The following NOMO2 variants were observed in gnomAD, a reference collection of about 807,000 sequenced individuals.
The protein encoded by NOMO2 is NODAL modulator 2, also known as BOS complex subunit NOMO2.
Under a neutral mutation model 67.1 loss-of-function variants are expected in NOMO2, and 14 were observed. The observed-to-expected ratio is 0.21, with a 90% CI of 0.14 to 0.33. The LOEUF (loss-of-function observed/expected upper bound fraction) is 0.33, where lower values mean the gene tolerates loss of function less well. Ranked by LOEUF, NOMO2 falls within the 10% of genes least tolerant of loss-of-function variation. The pLI is 1.00. For synonymous variants in NOMO2, 80 were observed against 305.9 expected, an observed-to-expected ratio of 0.26 and a Z score of 7.71; for missense variants, 178 against 761.0, an observed-to-expected ratio of 0.23 and a Z score of 9.01.
intron 9 of NOMO2, among the ~76,000 whole-genome samples, chr16:18,539,621 G>A (rs1167993478): frequency 1.3e-5 from 2 of 151,938 alleles, no homozygotes; most frequent in Admixed American, 6.6e-5. Context: ...GCCAGGTGTG[G>A]TGGCAGGCGC....
chr16:18,524,383 C>T (rs1362063061), intron 17 of NOMO2, 106 bp downstream of exon 17: 1 of 991,992 alleles, frequency 1.0e-6, no homozygotes, highest in Non-Finnish European at 1.5e-6. Context: ...AACCTTGCCT[C>T]TTTCAGAAAA....
intron 10 of NOMO2, 33 bp from the exon 11 acceptor site, chr16:18,538,709 G>C (rs1253225318): frequency 6.2e-7 from 1 of 1,613,554 alleles, no homozygotes; most frequent in African/African-American, 1.3e-5. Flanking sequence ...CAGAAGATAA[G>C]CCAAAAATAA....
chr16:18,553,258 A>G (rs1416382177), intron 3 of NOMO2, among the ~76,000 whole-genome samples: 1 of 151,524 alleles, frequency 6.6e-6, no homozygotes, highest in African/African-American at 2.4e-5. Context: ...AGCGAGACTC[A>G]GTCTCAAAAA....
At chr16:18,553,607 G>A (rs1901839240) in intron 3 of NOMO2, among the ~76,000 whole-genome samples, 1 of 149,104 alleles carries the variant, frequency 6.7e-6, no homozygotes, top group South Asian at 2.2e-4. Context: ...ATACATGGGT[G>A]TGTTCACTTA....
intron 11 of NOMO2, among the ~76,000 whole-genome samples, chr16:18,537,124 C>A (rs1162877929): frequency 6.6e-6 from 1 of 152,066 alleles, no homozygotes; most frequent in African/African-American, 2.4e-5. Flanking sequence ...CTGCCACCTG[C>A]GGCCAAATCT....
At chr16:18,529,350 G>A in intron 15 of NOMO2, 151 bp downstream of exon 15, 1 of 1,521,980 alleles carries the variant, frequency 6.6e-7, no homozygotes, top group South Asian at 1.2e-5. Flanking sequence ...AATGCTTCCT[G>A]ATTATGCGTT....
At chr16:18,536,155 A>C (rs1901417930) in intron 11 of NOMO2, among the ~76,000 whole-genome samples, 1 of 152,118 alleles carries the variant, frequency 6.6e-6, no homozygotes. Context: ...CCAATCCCAA[A>C]GCAAGGCTAC....
Position 18,538,647 on chromosome 16 carries a change from G to C in NOMO2, c.1099C>G (p.Leu367Val), listed in dbSNP as rs896918781. Residue 367 changes from leucine (L) to valine (V), a missense_variant, in exon 11 of 31, where the codon CTT (leucine) becomes GTT (valine). Transcript: ENST00000622306. ...TATGTCCCTGTGGTTATGTTCTCAA[G>C]GCGGAATGAGCCATCAGCTTTTGTT... Reference protein sequence around the residue: ...VKTKADGSFRLENITTGTYTI... With the variant: ...VKTKADGSFRVENITTGTYTI... The C allele has an allele frequency of 5.0e-6, 8 of 1,613,046 alleles. No homozygotes were observed. The highest frequency in any genetic ancestry group is 1.6e-4 in the Middle Eastern group (1 of 6,076).
At chr16:18,525,132 T>C (rs1193605799) in intron 16 of NOMO2, among the ~76,000 whole-genome samples, 1 of 149,178 alleles carries the variant, frequency 6.7e-6, no homozygotes, top group Non-Finnish European at 1.5e-5. Context: ...TTAACCAATA[T>C]TTTGGCCACA....
At chr16:18,528,998 T>C (rs1596845153) in intron 15 of NOMO2, among the ~76,000 whole-genome samples, 1 of 1,032 alleles carries the variant, frequency 9.7e-4, no homozygotes, top group African/African-American at 1.5e-3. Context: ...AATACATATA[T>C]ATATATATAT....
intron 2 of NOMO2, among the ~76,000 whole-genome samples, chr16:18,555,913 G>A (rs1901894369): frequency 1.2e-5 from 1 of 81,088 alleles, no homozygotes; most frequent in Non-Finnish European, 2.6e-5. Flanking sequence ...CCAGCCTCCT[G>A]GTTTCTTGAG....
chr16:18,534,430 C>T (rs920392276), intron 11 of NOMO2, among the ~76,000 whole-genome samples: 2 of 143,984 alleles, frequency 1.4e-5, no homozygotes, highest in African/African-American at 2.5e-5. Flanking sequence ...AGTTGTGTTG[C>T]GCTCTGCCCA....
chr16:18,555,538 A>T (rs1901883943), intron 2 of NOMO2, among the ~76,000 whole-genome samples: 1 of 150,930 alleles, frequency 6.6e-6, no homozygotes, highest in Non-Finnish European at 1.5e-5. Flanking sequence ...CTGTCTCTAA[A>T]CAATACATTA....
rs542542294 is a variant in NOMO2 at position 18,536,128 on chromosome 16, G to A, written c.1220+2398C>T. On this transcript the variant is annotated intron_variant, in intron 11 of 30. Transcript: ENST00000622306. The stretch of plus-strand genomic sequence containing the variant: ...AGACAACTCCTAACGGGTTTCCACT[G>A]CATTAGGGAGCAAAGCCCAATCCCA... Among the ~76,000 whole-genome samples, 662 of 152,114 alleles carry A rather than the reference G, an allele frequency of 4.4e-3. 3 individuals carry two copies. The highest frequency in any genetic ancestry group is 0.015 in the African/African-American group (636 of 41,492).
chr16:18,560,644 TGAA>T (rs1414520796), intron 1 of NOMO2, among the ~76,000 whole-genome samples: 4 of 151,820 alleles, frequency 2.6e-5, no homozygotes, highest in Non-Finnish European at 4.4e-5. Context: ...AACGGGGCCT[TGAA>T]GAAGATCACG....
intron 3 of NOMO2, among the ~76,000 whole-genome samples, chr16:18,551,931 A>G (rs926236903): frequency 1.3e-5 from 2 of 151,654 alleles, no homozygotes; most frequent in African/African-American, 4.8e-5. Flanking sequence ...CAATTATCTT[A>G]AGAGACAGGC....
chr16:18,543,592 C>T, intron 7 of NOMO2, 25 bp downstream of exon 7: 1 of 1,611,412 alleles, frequency 6.2e-7, no homozygotes, highest in East Asian at 2.2e-5. Context: ...TTCACACCAT[C>T]TCTTTTGTTC....
rs1404901936 is a variant in NOMO2 at position 18,561,193 on chromosome 16, A to C, written c.165+683T>G. 1.3e-4 allele frequency among the ~76,000 whole-genome samples: 18 copies of C among 143,952 alleles called. 1 individual carries two copies. In the East Asian group the frequency reaches 3.2e-3, roughly 25 times the overall value. The allele number at this position is 143,952 out of a possible 152,430, so 94.4% of individuals were successfully genotyped here. A position where few individuals can be genotyped will look rare whatever the true frequency, so the allele number is the denominator to read the frequency against. On this transcript the variant is annotated intron_variant, in intron 1 of 30. Transcript: ENST00000622306. ...TTAATTAAAAAAAAAAAAAAAAAAA[A>C]AAAAAAAAAAAAAACCTTTACAAAT...
At chr16:18,559,682 A>G (rs1901994005) in intron 1 of NOMO2, among the ~76,000 whole-genome samples, 1 of 151,930 alleles carries the variant, frequency 6.6e-6, no homozygotes, top group Non-Finnish European at 1.5e-5. Flanking sequence ...CAGGGACTGG[A>G]AATTCACCAG....
Sources: gnomAD v4.1 joint callset for allele counts (sites outside exome capture counted in the v4.1 genomes callset) on GRCh38, gnomAD v4.1.1 for gene constraint, MANE v1.5 for transcripts, NCBI Gene and HGNC (gene_info 2026-07-23, HGNC 2026-07-21) for gene names.